Variants in TAFA5 observed in about 807,000 individuals in gnomAD.
The protein encoded by TAFA5 is TAFA chemokine like family member 5.
Under a neutral mutation model 15.3 loss-of-function variants are expected in TAFA5, and 6 were observed. That is an observed-to-expected ratio of 0.39 (90% CI 0.21 to 0.77). The LOEUF is 0.77. Ranked by LOEUF, TAFA5 falls within the 30% of genes least tolerant of loss-of-function variation. The probability of loss-of-function intolerance (pLI) is 0.41; values close to 1 mark genes in which losing one functional copy is unlikely to be tolerated. For synonymous variants in TAFA5, 103 were observed against 80.7 expected (o/e 1.28, Z -1.48); for missense variants, 161 against 193.1 (o/e 0.83, Z 0.98).
chr22:48,636,260 C>T (rs554758447), intron 1 of TAFA5, among the ~76,000 whole-genome samples: 7 of 152,344 alleles, frequency 4.6e-5, no homozygotes, highest in Admixed American at 2.6e-4. Context: ...TGAGGGCAGC[C>T]TGGGCCCGAC....
At chr22:48,731,978 G>C (rs927322274) in intron 3 of TAFA5, among the ~76,000 whole-genome samples, 1 of 152,168 alleles carries the variant, frequency 6.6e-6, no homozygotes, top group Non-Finnish European at 1.5e-5. Context: ...CACCATTCTA[G>C]ACGTCATTAA....
At chr22:48,523,999 G>C (rs133490) in intron 1 of TAFA5, among the ~76,000 whole-genome samples, 129,157 of 152,248 alleles carry the variant, frequency 0.85, 55,207 homozygotes, top group Middle Eastern at 0.93. Flanking sequence ...ACCTGCCCCG[G>C]GGCCGGGCTG....
intron 2 of TAFA5, among the ~76,000 whole-genome samples, chr22:48,700,430 G>A (rs1033878091): frequency 1.3e-5 from 2 of 152,210 alleles, no homozygotes; most frequent in Non-Finnish European, 2.9e-5. Flanking sequence ...AGAGCAGGCC[G>A]GCAGGGGCTG....
At chr22:48,723,380 C>G (rs130195) in intron 3 of TAFA5, among the ~76,000 whole-genome samples, 1 of 151,762 alleles carries the variant, frequency 6.6e-6, no homozygotes, top group African/African-American at 2.4e-5. Flanking sequence ...TGGCGGGTGG[C>G]ACAGGTCCTT....
intron 2 of TAFA5, among the ~76,000 whole-genome samples, chr22:48,689,811 G>C (rs1326494150): frequency 2.0e-5 from 3 of 152,162 alleles, no homozygotes; most frequent in Non-Finnish European, 4.4e-5. Context: ...CACAGCCTTG[G>C]GCCTTCCTTG....
intron 2 of TAFA5, among the ~76,000 whole-genome samples, chr22:48,697,450 ATGG>A (rs199843113): frequency 1.0e-4 from 13 of 127,216 alleles, no homozygotes; most frequent in Non-Finnish European, 1.9e-4. Flanking sequence ...GAGGATCAGG[ATGG>A]TGGTGGTATT....
intron 1 of TAFA5, among the ~76,000 whole-genome samples, chr22:48,501,039 C>T (rs1188732743): frequency 6.6e-6 from 1 of 152,198 alleles, no homozygotes; most frequent in Non-Finnish European, 1.5e-5. Context: ...GTCAACCAGG[C>T]CTTCCCAGGG....
chr22:48,617,043 G>A (rs746691236), intron 1 of TAFA5, among the ~76,000 whole-genome samples: 1 of 152,224 alleles, frequency 6.6e-6, no homozygotes, highest in African/African-American at 2.4e-5. Context: ...GGGATGCCCT[G>A]TGCAGACCCA....
At chr22:48,719,384 G>A (rs1929500562) in intron 3 of TAFA5, among the ~76,000 whole-genome samples, 1 of 152,246 alleles carries the variant, frequency 6.6e-6, no homozygotes, top group Non-Finnish European at 1.5e-5. Flanking sequence ...TGATCAGATG[G>A]CGTTCATGGA....
rs778485244 is a variant in TAFA5 at position 48,489,560 on chromosome 22, G to A, written c.-33G>A. 1.6e-5 allele frequency: 21 copies of A among 1,299,936 alleles called. No individual in the cohort carries two copies. The allele number at this position is 1,299,936 out of a possible 1,614,324, so 80.5% of individuals were successfully genotyped here. ...CGGGCAGGGCCGGCTGCTGAGACGC[G>A]CTGCTGCCCCCCGCGCGGGCGCCGC... On this transcript the variant is annotated 5_prime_UTR_variant, in exon 1 of 4. Transcript: ENST00000402357. This position sits in a 1 kb window ranked among gnomAD's most constrained non-coding sequence, Gnocchi z 5.5.
At chr22:48,714,604 A>G (rs972603237) in intron 3 of TAFA5, among the ~76,000 whole-genome samples, 1 of 152,186 alleles carries the variant, frequency 6.6e-6, no homozygotes, top group Non-Finnish European at 1.5e-5. Context: ...CATGGCAGGA[A>G]CTTCTGGAAA....
rs535068094 is a variant in TAFA5, at chr22:48,576,039, A to ACCCCCCCCCCCCCCCCCCC, written c.113-70544_113-70543insCCCCCCCCCCCCCCCCCCC. On this transcript the variant is annotated intron_variant, in intron 1 of 3. Transcript: ENST00000402357. ...GAGGAGGGGGCCGGGGCCGCGCCGG[A>ACCCCCCCCCCCCCCCCCCC]CCCCCCCCCCCCCCGCGCCGCCCGG... 1.9e-4 allele frequency among the ~76,000 whole-genome samples: 6 copies of ACCCCCCCCCCCCCCCCCCC among 31,434 alleles called. 2 individuals carry two copies. The highest frequency in any genetic ancestry group is 1.2e-3 in the African/African-American group (5 of 4,254). The allele number at this position is 31,434 out of a possible 152,430, so 20.6% of individuals were successfully genotyped here.
chr22:48,677,862 G>T (rs1459009827), intron 2 of TAFA5, among the ~76,000 whole-genome samples: 2 of 151,916 alleles, frequency 1.3e-5, no homozygotes, highest in African/African-American at 2.4e-5. Context: ...TCCTGCAGTG[G>T]CCCTGCCATG....
intron 3 of TAFA5, among the ~76,000 whole-genome samples, chr22:48,726,910 C>G (rs1601701445): frequency 1.3e-5 from 2 of 152,186 alleles, no homozygotes; most frequent in African/African-American, 2.4e-5. Context: ...AGATGTTCCT[C>G]ATAGACAAGG....
intron 2 of TAFA5, among the ~76,000 whole-genome samples, chr22:48,653,301 G>T (rs1015385291): frequency 2.6e-5 from 4 of 152,184 alleles, no homozygotes; most frequent in Admixed American, 2.6e-4. Flanking sequence ...GAGCATGATT[G>T]GTTTGTGAGG....
intron 1 of TAFA5, among the ~76,000 whole-genome samples, chr22:48,542,051 C>CGT (rs373495544): frequency 1.3e-5 from 2 of 150,668 alleles, no homozygotes; most frequent in Admixed American, 6.6e-5. Flanking sequence ...GGGGCCGGGG[C>CGT]GTGTGTGTGT....
intron 2 of TAFA5, among the ~76,000 whole-genome samples, chr22:48,707,265 T>A (rs1441801389): frequency 1.3e-5 from 2 of 152,146 alleles, no homozygotes; most frequent in African/African-American, 4.8e-5. Flanking sequence ...CACTCTGAGC[T>A]CCAAGCCTGG....
intron 1 of TAFA5, among the ~76,000 whole-genome samples, chr22:48,622,562 A>G (rs937155540): frequency 1.3e-5 from 2 of 152,116 alleles, no homozygotes; most frequent in African/African-American, 4.8e-5. Flanking sequence ...GCAGACATGG[A>G]GGGGATCTCA....
At chr22:48,505,269 G>A (rs551316155) in intron 1 of TAFA5, among the ~76,000 whole-genome samples, 4 of 152,298 alleles carry the variant, frequency 2.6e-5, no homozygotes, top group African/African-American at 4.8e-5. Flanking sequence ...GTGGCCCCAC[G>A]CTGGCTTAGC....
Sources: allele counts gnomAD v4.1 joint callset (sites outside exome capture counted in the v4.1 genomes callset), GRCh38; gene constraint gnomAD v4.1.1; non-coding constraint Gnocchi (gnomAD v3.1); transcripts MANE v1.5; gene names NCBI Gene and HGNC (gene_info 2026-07-23, HGNC 2026-07-21).